Variants in TAFA1 observed in about 807,000 individuals in gnomAD.
The protein encoded by TAFA1 is TAFA chemokine like family member 1.
TAFA1 carries 4 observed loss-of-function variants against 18.5 expected under a neutral mutation model. That is an observed-to-expected ratio of 0.22 (90% confidence interval 0.11 to 0.49). The LOEUF (loss-of-function observed/expected upper bound fraction) is 0.49, where lower values mean the gene tolerates loss of function less well. Ranked by LOEUF, TAFA1 falls within the 20% of genes least tolerant of loss-of-function variation. The probability of loss-of-function intolerance (pLI) is 0.98; values close to 1 mark genes in which losing one functional copy is unlikely to be tolerated. For synonymous variants in TAFA1, 56 were observed against 55.2 expected, an observed-to-expected ratio of 1.01 and a Z score of -0.06; for missense variants, 147 against 169.0, an observed-to-expected ratio of 0.87 and a Z score of 0.72.
Position 68,498,722 on chromosome 3 carries a change from CTTTT to C in TAFA1, c.260-40002_260-39999del, listed in dbSNP as rs34030223. ...AATTCCTCCCAAAGCCGTTTGGTGG[CTTTT>C]TTTTTTTTTTTTTTTTTTTTTTTTT... On this transcript the variant is annotated intron_variant, in intron 3 of 4. Transcript: ENST00000478136. Among the ~76,000 whole-genome samples, 28 of 97,004 alleles carry C rather than the reference CTTTT, an allele frequency of 2.9e-4. No individual in the cohort carries two copies. In the East Asian group the frequency reaches 6.0e-3, roughly 21 times the overall value. The allele number at this position is 97,004 out of a possible 152,430, so 63.6% of individuals were successfully genotyped here. A position where few individuals can be genotyped will look rare whatever the true frequency, so the allele number is the denominator to read the frequency against.
chr3:68,304,273 A>G (rs1050419406), intron 2 of TAFA1, among the ~76,000 whole-genome samples: 6 of 152,250 alleles, frequency 3.9e-5, no homozygotes, highest in African/African-American at 9.6e-5. Context: ...AAAATACTAG[A>G]AGGTTTTATT....
At chr3:68,300,656 A>G (rs1250095834) in intron 2 of TAFA1, among the ~76,000 whole-genome samples, 1 of 152,134 alleles carries the variant, frequency 6.6e-6, no homozygotes, top group African/African-American at 2.4e-5. Context: ...CTGCCTCTCC[A>G]CCCAAAATCT....
intron 2 of TAFA1, among the ~76,000 whole-genome samples, chr3:68,173,901 A>AT (rs566222158): frequency 2.2e-3 from 40 of 18,384 alleles, no homozygotes; most frequent in East Asian, 0.015. Flanking sequence ...AGGATATTTA[A>AT]TTAAAAAAAT....
At chr3:68,267,644 G>A (rs941129477) in intron 2 of TAFA1, among the ~76,000 whole-genome samples, 5 of 151,616 alleles carry the variant, frequency 3.3e-5, no homozygotes, top group Non-Finnish European at 7.4e-5. Context: ...TGAAAGTTTT[G>A]TTCTATCTTG....
chr3:68,136,818 C>T (rs572398675), intron 2 of TAFA1, among the ~76,000 whole-genome samples: 4 of 152,196 alleles, frequency 2.6e-5, no homozygotes, highest in Non-Finnish European at 5.9e-5. Context: ...CATCAGTGTA[C>T]ATCTTGGAGA....
intron 2 of TAFA1, among the ~76,000 whole-genome samples, chr3:68,161,361 G>C (rs1417485765): frequency 6.6e-6 from 1 of 152,118 alleles, no homozygotes; most frequent in Non-Finnish European, 1.5e-5. Context: ...TACAGTGGGG[G>C]TTCTCAAAGA....
At chr3:68,473,548 A>G (rs1001926500) in intron 3 of TAFA1, among the ~76,000 whole-genome samples, 4 of 152,116 alleles carry the variant, frequency 2.6e-5, no homozygotes, top group African/African-American at 7.2e-5. Context: ...TATTTCCATC[A>G]TGAAACTTGC....
chr3:68,266,078 A>G (rs960357451), intron 2 of TAFA1, among the ~76,000 whole-genome samples: 1 of 152,168 alleles, frequency 6.6e-6, no homozygotes, highest in Non-Finnish European at 1.5e-5. Context: ...AGGACATAAA[A>G]TGTTCCCTTC....
chr3:68,102,562 G>A (rs1164061175), intron 2 of TAFA1, among the ~76,000 whole-genome samples: 5 of 152,160 alleles, frequency 3.3e-5, no homozygotes, highest in Non-Finnish European at 7.3e-5. Flanking sequence ...TTACCCAGGG[G>A]TGAGGCTCGG....
intron 2 of TAFA1, among the ~76,000 whole-genome samples, chr3:68,084,837 T>C (rs1408848815): frequency 1.3e-5 from 2 of 151,344 alleles, no homozygotes; most frequent in East Asian, 3.9e-4. Flanking sequence ...TAACAAAAAG[T>C]AGCCCCCATA....
chr3:68,265,872 C>A (rs948711165), intron 2 of TAFA1, among the ~76,000 whole-genome samples: 6 of 152,108 alleles, frequency 3.9e-5, no homozygotes, highest in Admixed American at 6.6e-5. Context: ...TGGGGCACTG[C>A]ACAGCTCTAG....
chr3:68,422,101 C>T (rs1043180454), intron 3 of TAFA1, among the ~76,000 whole-genome samples: 16 of 152,108 alleles, frequency 1.1e-4, no homozygotes, highest in South Asian at 2.1e-4. Context: ...TACTAAAAAG[C>T]AAACTCACAT....
intron 3 of TAFA1, among the ~76,000 whole-genome samples, chr3:68,489,107 G>A (rs771812940): frequency 4.6e-5 from 7 of 152,168 alleles, no homozygotes; most frequent in Non-Finnish European, 7.4e-5. Context: ...AGCTAGTAAG[G>A]CAGAAGAGTT....
rs778796640 is a variant in TAFA1, at chr3:68,037,470, CTTG to C, written c.118+30730_118+30732del. ...CGTGGAAAGATTAGAAAGTTACCTT[CTTG>C]TTGCTGCTTTTAAAAAATGTCTAGG... On this transcript the variant is annotated intron_variant, in intron 2 of 4. Transcript: ENST00000478136. 4.7e-4 allele frequency among the ~76,000 whole-genome samples: 71 copies of C among 152,212 alleles called. 2 individuals carry two copies. The highest frequency in any genetic ancestry group is 4.1e-4 in the Non-Finnish European group (28 of 68,032).
At chr3:68,146,453 G>A (rs980291543) in intron 2 of TAFA1, among the ~76,000 whole-genome samples, 2 of 152,146 alleles carry the variant, frequency 1.3e-5, no homozygotes, top group African/African-American at 4.8e-5. Context: ...GGCTAGTGTG[G>A]AACAAGAATC....
intron 2 of TAFA1, among the ~76,000 whole-genome samples, chr3:68,160,362 G>C (rs182288180): frequency 6.6e-5 from 10 of 152,350 alleles, no homozygotes; most frequent in African/African-American, 2.4e-4. Context: ...GGACGTGGCT[G>C]TGTTTCAATA....
chr3:68,085,752 A>C (rs2064963473), intron 2 of TAFA1, among the ~76,000 whole-genome samples: 1 of 152,194 alleles, frequency 6.6e-6, no homozygotes, highest in Admixed American at 6.5e-5. Context: ...AGCCACTCAG[A>C]GAGTAGGGAA....
chr3:68,358,055 G>C (rs1325524328), intron 2 of TAFA1, among the ~76,000 whole-genome samples: 1 of 151,840 alleles, frequency 6.6e-6, no homozygotes, highest in African/African-American at 2.4e-5. Flanking sequence ...TGTTTTGGTA[G>C]TATTTTCAGG....
chr3:68,435,675 T>C (rs1005032615), intron 3 of TAFA1, among the ~76,000 whole-genome samples: 16 of 152,170 alleles, frequency 1.1e-4, no homozygotes, highest in African/African-American at 3.9e-4. Flanking sequence ...AGAGTGGAGA[T>C]TATGAAAGAA....
Sources: allele counts gnomAD v4.1 joint callset (sites outside exome capture counted in the v4.1 genomes callset), GRCh38; gene constraint gnomAD v4.1.1; transcripts MANE v1.5; gene names NCBI Gene and HGNC (gene_info 2026-07-23, HGNC 2026-07-21).